Variants in CPZ observed in about 807,000 individuals in gnomAD.
CPZ encodes the protein VEZT/CPZ fusion.
CPZ carries 103 observed loss-of-function variants against 61.8 expected under a neutral mutation model. That is an observed-to-expected ratio of 1.67 (90% CI 1.42 to 1.96). The LOEUF is 1.96. Among genes scored for constraint, CPZ ranks in the 30% most tolerant of loss-of-function variants. The pLI, the probability that CPZ is intolerant of heterozygous loss-of-function variation, is 0.00. For synonymous variants in CPZ, 551 were observed against 373.7 expected, an observed-to-expected ratio of 1.47 and a Z score of -5.47; for missense variants, 1,461 against 914.9, an observed-to-expected ratio of 1.60 and a Z score of -7.70.
At chr4:8,618,171 C>G (rs565193402) in intron 9 of CPZ, 2 of 491,770 alleles carry the variant, frequency 4.1e-6, no homozygotes, top group South Asian at 4.4e-5. Flanking sequence ...TGGAGTCAGC[C>G]AGGCCTCGGG....
chr4:8,609,130 A>ACTCACTCACTT lies in CPZ; in HGVS notation c.1227+1709_1227+1710insCTCACTTCTCA, dbSNP rs764336605. On this transcript the variant is annotated intron_variant, in intron 7 of 10. Coordinates refer to ENST00000360986, the MANE Select transcript of CPZ (RefSeq NM_001014447.3). ...CCCTTCCTCACTCCCTCACTCATTC[A>ACTCACTCACTT]CTCATTTACTCATTCACCCACTCCC... Among the ~76,000 whole-genome samples, 255 of 116,110 alleles carry ACTCACTCACTT rather than the reference A, an allele frequency of 2.2e-3. 2 individuals carry two copies. Among genetic ancestry groups the ACTCACTCACTT allele is most frequent in the South Asian group, 6.4e-3 (23 of 3,592 alleles). The allele number at this position is 116,110 out of a possible 152,430, so 76.2% of individuals were successfully genotyped here.
chr4:8,594,583 G>A (rs556659046), intron 1 of CPZ, among the ~76,000 whole-genome samples: 6 of 152,140 alleles, frequency 3.9e-5, no homozygotes, highest in Non-Finnish European at 8.8e-5. Flanking sequence ...GAGGACTGAC[G>A]GGCTGTCACT....
intron 9 of CPZ, among the ~76,000 whole-genome samples, chr4:8,615,856 T>G (rs1038405773): frequency 3.9e-5 from 6 of 152,130 alleles, no homozygotes; most frequent in African/African-American, 1.4e-4. Context: ...CAGCAGCCGC[T>G]GAGATAGGAA....
chr4:8,606,473 G>A (rs1030865440), intron 5 of CPZ, among the ~76,000 whole-genome samples: 1 of 152,060 alleles, frequency 6.6e-6, no homozygotes, highest in Admixed American at 6.5e-5. Flanking sequence ...CTCTCGGGGA[G>A]GTGGGCAACG....
chr4:8,611,082 GCTCA>G (rs1465833612), intron 7 of CPZ: 14 of 362,404 alleles, frequency 3.9e-5, no homozygotes, highest in African/African-American at 2.1e-4. Flanking sequence ...TCATTCATTC[GCTCA>G]TTCACTCACT....
rs111747511 is a variant in CPZ at position 8,618,485 on chromosome 4, C to T, written c.1560C>T (p.Asn520=). ...VTDKFGKPVK[N]ARISVKGIRH... ...ATAAATTCGGCAAGCCAGTCAAAAA[C>T]GCCCGGATCTCAGTCAAAGGCATTC... Residue 520 remains asparagine (N), a synonymous_variant, in exon 10 of 11, where the codon AAC becomes AAT. Transcript: ENST00000360986. 5.6e-5 allele frequency: 90 copies of T among 1,614,190 alleles called. 1 individual carries two copies. Among genetic ancestry groups the T allele is most frequent in the African/African-American group, 1.9e-4 (14 of 75,070 alleles).
At chr4:8,603,741 T>A (rs1040098512) in intron 3 of CPZ, 12 of 575,296 alleles carry the variant, frequency 2.1e-5, no homozygotes, top group Non-Finnish European at 2.8e-5. Context: ...CCATAGTATG[T>A]TTACTCACAG....
intron 7 of CPZ, among the ~76,000 whole-genome samples, chr4:8,609,991 C>T (rs1715516668): frequency 6.6e-6 from 1 of 152,218 alleles, no homozygotes; most frequent in African/African-American, 2.4e-5. Flanking sequence ...CTGGCCATGG[C>T]TGCCTTTTGC....
At chr4:8,609,182 AGGCATTCACTCACTCC>A (rs1560298097) in intron 7 of CPZ, among the ~76,000 whole-genome samples, 53 of 100,376 alleles carry the variant, frequency 5.3e-4, no homozygotes, top group African/African-American at 1.7e-3. Context: ...CCATTCACTC[AGGCATTCACTCACTCC>A]CTCACTCACT....
Position 8,604,061 on chromosome 4 carries a change from G to A in CPZ, c.582G>A (p.Val194=), listed in dbSNP as rs2109320933. 2 of 1,611,806 alleles carry A rather than the reference G, an allele frequency of 1.2e-6. No homozygotes were observed. Among genetic ancestry groups the A allele is most frequent in the Non-Finnish European group, 1.7e-6 (2 of 1,179,732 alleles). ...GCCACCACTCCTACGCCCAGATGGT[G>A]CGTGTGCTGAGGCGGACGGCCTCCC... The part of the protein sequence containing the change: ...RFSHHSYAQM[V]RVLRRTASRC... The change falls in exon 4 of 11, where the codon GTG becomes GTA. Residue 194 remains valine (V), a synonymous_variant. Transcript: ENST00000360986.
chr4:8,594,918 A>G (rs1281328947), intron 1 of CPZ, among the ~76,000 whole-genome samples: 2 of 152,076 alleles, frequency 1.3e-5, no homozygotes, highest in Non-Finnish European at 2.9e-5. Flanking sequence ...GACTACAGGC[A>G]TCTGCCACCG....
chr4:8,613,976 C>G (rs894345430), intron 8 of CPZ, among the ~76,000 whole-genome samples: 1 of 152,256 alleles, frequency 6.6e-6, no homozygotes, highest in African/African-American at 2.4e-5. Context: ...CGATTCATCC[C>G]TGACCTCACC....
chr4:8,615,100 A>G (rs888474914), intron 9 of CPZ, among the ~76,000 whole-genome samples: 4 of 151,862 alleles, frequency 2.6e-5, no homozygotes, highest in African/African-American at 9.7e-5. Flanking sequence ...AGTGAAGGGT[A>G]TAGGCAGGAA....
In CPZ at chr4:8,619,507, G is replaced by C; in HGVS notation, c.1849G>C (p.Asp617His). Residue 617 changes from aspartate (D) to histidine (H), a missense_variant, in exon 11 of 11, where the codon GAC becomes CAC. Physicochemically the swap from Asp to His is moderately conservative, Grantham distance 81. Transcript: ENST00000360986. Reference protein sequence around the residue: ...ASSLGEATEPDPLRARRQPSA... With the variant: ...ASSLGEATEPHPLRARRQPSA... ...CTCTTTGGGGGAGGCCACGGAGCCCGACCCGCTCCGGGCGCGCAGGCAGCC... is the reference window on the plus strand; with the variant it reads ...CTCTTTGGGGGAGGCCACGGAGCCCCACCCGCTCCGGGCGCGCAGGCAGCC... 1 of 1,602,042 alleles carries C rather than the reference G, an allele frequency of 6.2e-7. No homozygotes were observed. The highest frequency in any genetic ancestry group is 8.5e-7 in the Non-Finnish European group (1 of 1,172,676).
chr4:8,598,952 C>T (rs149617475), intron 1 of CPZ, among the ~76,000 whole-genome samples: 155 of 152,314 alleles, frequency 1.0e-3, no homozygotes, highest in South Asian at 4.6e-3. Flanking sequence ...ACGGAGCCTG[C>T]GTGGCTGACT....
At chr4:8,616,184 G>C (rs532332903) in intron 9 of CPZ, among the ~76,000 whole-genome samples, 2 of 152,198 alleles carry the variant, frequency 1.3e-5, no homozygotes, top group Admixed American at 1.3e-4. Flanking sequence ...ACCTGGGCGC[G>C]GGCTCCTGAT....
intron 7 of CPZ, among the ~76,000 whole-genome samples, chr4:8,609,191 C>CTCACTCCCTCATTCACTTACTCTT (rs796163641): frequency 8.1e-6 from 1 of 123,684 alleles, no homozygotes; most frequent in African/African-American, 2.7e-5. Flanking sequence ...CAGGCATTCA[C>CTCACTCCCTCATTCACTTACTCTT]TCACTCCCTC....
At chr4:8,614,330 CT>C (rs1357277722) in intron 8 of CPZ, 28 bp from the exon 9 acceptor site, 3 of 1,603,500 alleles carry the variant, frequency 1.9e-6, no homozygotes, top group Admixed American at 1.7e-5. Flanking sequence ...GCTGACACCC[CT>C]GACGTCCCCG....
chr4:8,596,497 C>T (rs566629197), intron 1 of CPZ, among the ~76,000 whole-genome samples: 5 of 152,346 alleles, frequency 3.3e-5, no homozygotes, highest in South Asian at 4.1e-4. Flanking sequence ...TGGGAAACCC[C>T]GATGGGGCTG....
Sources: gnomAD v4.1 joint callset for allele counts (sites outside exome capture counted in the v4.1 genomes callset) on GRCh38, gnomAD v4.1.1 for gene constraint, MANE v1.5 for transcripts, NCBI Gene and HGNC (gene_info 2026-07-23, HGNC 2026-07-21) for gene names.